The following FBXL5 variants were observed in gnomAD, a reference collection of about 807,000 sequenced individuals.
FBXL5 encodes F-box/LRR-repeat protein 5.
FBXL5 carries 26 observed loss-of-function variants against 78.3 expected under a neutral mutation model. That is an observed-to-expected ratio of 0.33 (90% CI 0.24 to 0.46). FBXL5 has a LOEUF of 0.46. FBXL5 is among the 20% of genes least tolerant of loss of function. FBXL5 has a pLI of 1.00. For synonymous variants in FBXL5, 295 were observed against 282.5 expected (o/e 1.04, Z -0.45); for missense variants, 710 against 829.2 (o/e 0.86, Z 1.77).
intron 2 of FBXL5, among the ~76,000 whole-genome samples, chr4:15,642,237 T>C (rs1051723406): frequency 6.9e-6 from 1 of 145,702 alleles, no homozygotes; most frequent in Non-Finnish European, 1.5e-5. Flanking sequence ...TATAAAATAA[T>C]GAAAACTTTT....
At chr4:15,611,078 T>G (rs1722222296) in intron 10 of FBXL5, among the ~76,000 whole-genome samples, 2 of 152,168 alleles carry the variant, frequency 1.3e-5, no homozygotes, top group Admixed American at 1.3e-4. Context: ...GACATTCACT[T>G]TCACCAACTA....
At chr4:15,612,005 C>T in intron 10 of FBXL5, 1 of 291,248 alleles carries the variant, frequency 3.4e-6, no homozygotes, top group South Asian at 9.4e-5. Context: ...TATTAACTTA[C>T]CATTTTTGAT....
intron 1 of FBXL5, among the ~76,000 whole-genome samples, chr4:15,678,098 T>A (rs1227944182): frequency 6.6e-6 from 1 of 152,144 alleles, no homozygotes; most frequent in East Asian, 1.9e-4. Context: ...AATTATATAT[T>A]TAATAGGAAT....
At chr4:15,641,571 TAATTGTTATTC>T (rs1386932068) in intron 2 of FBXL5, 1 of 456,720 alleles carries the variant, frequency 2.2e-6, no homozygotes, top group Admixed American at 2.4e-5. Flanking sequence ...ATACATGAAA[TAATTGTTATTC>T]GATTGTTTTA....
At chr4:15,626,461 T>G (rs1008121006) in intron 8 of FBXL5, among the ~76,000 whole-genome samples, 10 of 152,196 alleles carry the variant, frequency 6.6e-5, no homozygotes, top group Non-Finnish European at 1.3e-4. Context: ...AGAGAATTGG[T>G]GGTCAAGGAG....
intron 1 of FBXL5, among the ~76,000 whole-genome samples, chr4:15,654,620 G>A (rs1269457683): frequency 6.6e-6 from 1 of 152,200 alleles, no homozygotes. Context: ...TCTAAACTTG[G>A]CTTTTCTCCC....
chr4:15,675,809 C>T (rs1053020426), intron 1 of FBXL5, among the ~76,000 whole-genome samples: 3 of 151,994 alleles, frequency 2.0e-5, no homozygotes, highest in Admixed American at 2.0e-4. Flanking sequence ...TCTCGAACTC[C>T]TGACCTCAGA....
intron 1 of FBXL5, among the ~76,000 whole-genome samples, chr4:15,669,541 A>T (rs1462954303): frequency 1.3e-5 from 2 of 152,198 alleles, no homozygotes; most frequent in African/African-American, 4.8e-5. Context: ...TCAAAAAAAA[A>T]TGCTTTATGA....
At chr4:15,605,895 C>T (rs1721852581) in intron 10 of FBXL5, 96 bp from the exon 11 acceptor site, 1 of 841,228 alleles carries the variant, frequency 1.2e-6, no homozygotes, top group East Asian at 2.6e-5. Flanking sequence ...ATTGGTTTTA[C>T]TAGCAGTACT....
chr4:15,623,037 C>T (rs1305025230), intron 9 of FBXL5, among the ~76,000 whole-genome samples: 1 of 152,078 alleles, frequency 6.6e-6, no homozygotes, highest in East Asian at 1.9e-4. Flanking sequence ...AAAAATCATA[C>T]CCTAAAATAA....
Position 15,605,569 on chromosome 4 carries a change from C to A in FBXL5, c.*154G>T. ...GCAAGAGAAACAACATTACAATTCA[C>A]TGGTAAATTAAGATTTCTGAAGTTG... On this transcript the variant is annotated 3_prime_UTR_variant, in exon 11 of 11. Transcript: ENST00000341285. 1.6e-6 allele frequency: 1 copy of A among 615,774 alleles called. No individual in the cohort carries two copies. The highest frequency in any genetic ancestry group is 2.9e-6 in the Non-Finnish European group (1 of 344,134). The allele number at this position is 615,774 out of a possible 1,614,324, so 38.1% of individuals were successfully genotyped here.
intron 1 of FBXL5, among the ~76,000 whole-genome samples, chr4:15,647,895 C>G (rs915975800): frequency 6.6e-6 from 1 of 152,136 alleles, no homozygotes; most frequent in Non-Finnish European, 1.5e-5. Flanking sequence ...GCTCTGACAC[C>G]CAGGCTGCAG....
intron 10 of FBXL5, among the ~76,000 whole-genome samples, chr4:15,610,040 T>C (rs1177487252): frequency 6.6e-6 from 1 of 152,044 alleles, no homozygotes; most frequent in African/African-American, 2.4e-5. Flanking sequence ...GAAATATAAT[T>C]TGTCACCTAA....
chr4:15,605,697 A>G lies in FBXL5; in HGVS notation c.*26T>C. The stretch of plus-strand genomic sequence containing the variant: ...AAAGAAAGCCTGCTCAGCTAAATGA[A>G]GTAGACAAAGATCAGAAGTCAAGGG... On this transcript the variant is annotated 3_prime_UTR_variant, in exon 11 of 11. Coordinates refer to ENST00000341285, the MANE Select transcript of FBXL5 (RefSeq NM_012161.4). The G allele has an allele frequency of 6.2e-7, 1 of 1,604,860 alleles. No homozygotes were observed. Among genetic ancestry groups the G allele is most frequent in the Non-Finnish European group, 8.5e-7 (1 of 1,172,238 alleles).
At chr4:15,671,535 A>G (rs1717768578) in intron 1 of FBXL5, among the ~76,000 whole-genome samples, 1 of 152,006 alleles carries the variant, frequency 6.6e-6, no homozygotes, top group African/African-American at 2.4e-5. Flanking sequence ...CAGCCTCTCA[A>G]AGTGTTGGAA....
chr4:15,655,410 G>T (rs1716784927), upstream of FBXL5: 2 of 1,006,988 alleles, frequency 2.0e-6, no homozygotes, highest in South Asian at 4.7e-5. Context: ...GCGCGCGCCC[G>T]GTCGGCTTGG....
chr4:15,626,603 T>A (rs942548757), intron 8 of FBXL5, among the ~76,000 whole-genome samples: 2 of 152,202 alleles, frequency 1.3e-5, no homozygotes, highest in Non-Finnish European at 2.9e-5. Flanking sequence ...CTTAAAAACA[T>A]ATAATACCAA....
chr4:15,681,287 T>C (rs979058750), intron 1 of FBXL5: 3 of 153,658 alleles, frequency 2.0e-5, no homozygotes, highest in African/African-American at 7.2e-5. Flanking sequence ...CACCTTGGAG[T>C]GTATGAACCA....
intron 6 of FBXL5, 32 bp from the exon 7 acceptor site, chr4:15,628,065 G>C: frequency 6.3e-7 from 1 of 1,593,180 alleles, no homozygotes; most frequent in East Asian, 2.2e-5. Flanking sequence ...CCAAGAACTT[G>C]ATAAACTGAT....
Sources: gnomAD v4.1 joint callset for allele counts (sites outside exome capture counted in the v4.1 genomes callset) on GRCh38, gnomAD v4.1.1 for gene constraint, MANE v1.5 for transcripts, NCBI Gene and HGNC (gene_info 2026-07-23, HGNC 2026-07-21) for gene names.